Variants in ABHD12 observed in about 807,000 individuals in gnomAD.
ABHD12 encodes the protein lysophosphatidylserine lipase ABHD12.
A neutral mutation model predicts 58.3 loss-of-function variants in ABHD12; 43 were observed. The ratio of observed to expected loss-of-function variants is 0.74; its 90% CI spans 0.58 to 0.95. The LOEUF is 0.95. Ranked by LOEUF, ABHD12 falls within the 40% of genes least tolerant of loss-of-function variation. The pLI, the probability that ABHD12 is intolerant of heterozygous loss-of-function variation, is 0.00. For missense variants in ABHD12, 539 were observed against 537.2 expected (o/e 1.00, Z -0.03); for synonymous variants, 219 against 211.2 (o/e 1.04, Z -0.32).
At chr20:25,357,970 C>T (rs774317299) in intron 1 of ABHD12, among the ~76,000 whole-genome samples, 6 of 152,068 alleles carry the variant, frequency 3.9e-5, no homozygotes, top group Admixed American at 2.6e-4. Context: ...AAGACCATGC[C>T]ACTGCAGTCC....
At chr20:25,377,438 T>C (rs2146122888) in intron 1 of ABHD12, among the ~76,000 whole-genome samples, 1 of 152,308 alleles carries the variant, frequency 6.6e-6, no homozygotes, top group South Asian at 2.1e-4. Context: ...TTCTGGAGGC[T>C]GGGAAGTCCA....
intron 1 of ABHD12, chr20:25,368,519 C>T (rs928997780): frequency 2.1e-5 from 31 of 1,494,914 alleles, no homozygotes; most frequent in Non-Finnish European, 2.5e-5. Flanking sequence ...GTTTTCATCA[C>T]CAAATTTCTC....
At chr20:25,339,837 T>G in intron 1 of ABHD12, 1 of 1,118,556 alleles carries the variant, frequency 8.9e-7, no homozygotes, top group South Asian at 1.6e-5. Flanking sequence ...GACCAGGTCC[T>G]CAGAGAGCAG....
intron 2 of ABHD12, among the ~76,000 whole-genome samples, chr20:25,336,878 A>G (rs2089379819): frequency 6.6e-6 from 1 of 152,058 alleles, no homozygotes; most frequent in East Asian, 1.9e-4. Flanking sequence ...GCAGATGCCC[A>G]GGGGGGTGAG....
chr20:25,294,974 C>T, exon 13 of ABHD12: 3 of 1,614,162 alleles, frequency 1.9e-6, no homozygotes, highest in Non-Finnish European at 2.5e-6. Context: ...TGGCTTCAGT[C>T]ACACCAGCTC....
At chr20:25,384,467 G>A (rs769153752) in intron 1 of ABHD12, among the ~76,000 whole-genome samples, 1 of 151,696 alleles carries the variant, frequency 6.6e-6, no homozygotes, top group Non-Finnish European at 1.5e-5. Context: ...ACAAAAGGCC[G>A]GGTGCACTGG....
chr20:25,346,255 T>C (rs568803679), intron 1 of ABHD12, among the ~76,000 whole-genome samples: 10 of 152,308 alleles, frequency 6.6e-5, no homozygotes, highest in South Asian at 2.1e-4. Flanking sequence ...TCCAACTATA[T>C]GACATTCTGT....
At chr20:25,307,916 T>A in intron 9 of ABHD12, 50 bp downstream of exon 9, 1 of 945,438 alleles carries the variant, frequency 1.1e-6, no homozygotes, top group Non-Finnish European at 1.7e-6. Flanking sequence ...GTTATTTCTA[T>A]AATTTATCTT....
At chr20:25,302,653 T>G (rs904538548) in intron 11 of ABHD12, among the ~76,000 whole-genome samples, 1 of 152,134 alleles carries the variant, frequency 6.6e-6, no homozygotes, top group Non-Finnish European at 1.5e-5. Context: ...ATGGCAGGGA[T>G]GGCACAGTCT....
intron 1 of ABHD12, among the ~76,000 whole-genome samples, chr20:25,346,890 C>T (rs6115154): frequency 0.094 from 14,278 of 152,132 alleles, 724 homozygotes; most frequent in Non-Finnish European, 0.11. Flanking sequence ...GTGATCCACC[C>T]GCCTCGGCCT....
At chr20:25,300,992 G>A in intron 12 of ABHD12, 108 bp from the exon 13 acceptor site, 1 of 1,153,630 alleles carries the variant, frequency 8.7e-7, no homozygotes, top group Non-Finnish European at 1.3e-6. Flanking sequence ...CAGAGAGGAG[G>A]CAGCCAAGAG....
At chr20:25,384,229 C>T (rs1431867451) in intron 1 of ABHD12, among the ~76,000 whole-genome samples, 1 of 151,400 alleles carries the variant, frequency 6.6e-6, no homozygotes, top group East Asian at 1.9e-4. Context: ...TGATCTAGTT[C>T]CTCGTCTCAA....
chr20:25,361,490 C>T (rs1462820385), intron 1 of ABHD12, among the ~76,000 whole-genome samples: 1 of 152,124 alleles, frequency 6.6e-6, no homozygotes, highest in Non-Finnish European at 1.5e-5. Flanking sequence ...CAGACATGCG[C>T]CACCTCGCCT....
intron 1 of ABHD12, among the ~76,000 whole-genome samples, chr20:25,360,988 A>G (rs2482939): frequency 0.027 from 4,130 of 152,360 alleles, 179 homozygotes; most frequent in African/African-American, 0.09. Flanking sequence ...GTTAAAGTTT[A>G]GAAAACAGTG....
At chr20:25,369,927 T>TGAA (rs371432921) in intron 1 of ABHD12, among the ~76,000 whole-genome samples, 1 of 91,440 alleles carries the variant, frequency 1.1e-5, no homozygotes, top group Non-Finnish European at 2.1e-5. Context: ...GTCTCTGTTA[T>TGAA]AAAAAAAAAA....
At chr20:25,369,927 TAA>T (rs3032443) in intron 1 of ABHD12, among the ~76,000 whole-genome samples, 1,678 of 91,406 alleles carry the variant, frequency 0.018, 21 homozygotes, top group African/African-American at 0.061. Flanking sequence ...GTCTCTGTTA[TAA>T]AAAAAAAAAA....
chr20:25,308,768 G>T (rs1047668228), intron 7 of ABHD12, among the ~76,000 whole-genome samples: 25 of 152,066 alleles, frequency 1.6e-4, no homozygotes, highest in Non-Finnish European at 2.6e-4. Context: ...ACTCCCATTG[G>T]CCGGGCCGCC....
intron 1 of ABHD12, among the ~76,000 whole-genome samples, chr20:25,366,162 GTTCT>G (rs1377509122): frequency 6.6e-6 from 1 of 152,016 alleles, no homozygotes; most frequent in East Asian, 1.9e-4. Context: ...ATTCCTAGAA[GTTCT>G]TTATTATTAC....
intron 1 of ABHD12, among the ~76,000 whole-genome samples, chr20:25,355,917 T>C (rs2089662112): frequency 1.3e-5 from 2 of 152,212 alleles, no homozygotes; most frequent in South Asian, 4.1e-4. Flanking sequence ...AAAGTTGTCA[T>C]TTATATTTCA....
Sources: allele counts gnomAD v4.1 joint callset (sites outside exome capture counted in the v4.1 genomes callset), GRCh38; gene constraint gnomAD v4.1.1; transcripts MANE v1.5; gene names NCBI Gene and HGNC (gene_info 2026-07-23, HGNC 2026-07-21).